ABCC12: variants seen among roughly 807,000 people sequenced by gnomAD.
The protein encoded by ABCC12 is ATP-binding cassette sub-family C member 12.
A neutral mutation model predicts 151.1 loss-of-function variants in ABCC12; 142 were observed. The ratio of observed to expected loss-of-function variants is 0.94; its 90% CI spans 0.82 to 1.08. ABCC12 has a LOEUF of 1.08. Ranked by LOEUF, ABCC12 falls within the 50% of genes least tolerant of loss-of-function variation. ABCC12 has a pLI of 0.00. For missense variants in ABCC12, 1,638 were observed against 1,691.1 expected (o/e 0.97, Z 0.55); for synonymous variants, 645 against 646.4 (o/e 1.00, Z 0.03).
At chr16:48,084,106 G>T (rs371177642) in intron 29 of ABCC12, 33 bp from the exon 30 acceptor site, 1 of 1,567,518 alleles carries the variant, frequency 6.4e-7, no homozygotes, top group Admixed American at 2.1e-5. Flanking sequence ...AGCCAAAGGC[G>T]CACTGAGAGG....
intron 12 of ABCC12, among the ~76,000 whole-genome samples, chr16:48,122,542 C>T (rs1964107348): frequency 6.6e-6 from 1 of 152,124 alleles, no homozygotes; most frequent in Non-Finnish European, 1.5e-5. Context: ...GGGGATGCAA[C>T]GTTCAAAGTT....
chr16:48,109,233 C>A (rs928248536), intron 18 of ABCC12, among the ~76,000 whole-genome samples: 1 of 152,168 alleles, frequency 6.6e-6, no homozygotes. Context: ...GTTCTCAGAG[C>A]TCATGCCATA....
intron 12 of ABCC12, among the ~76,000 whole-genome samples, chr16:48,123,983 T>C (rs933832098): frequency 1.3e-5 from 2 of 152,230 alleles, no homozygotes; most frequent in African/African-American, 2.4e-5. Context: ...GGCAATGCCA[T>C]TCAATAGACC....
Position 48,104,290 on chromosome 16 carries a change from C to T in ABCC12, c.2752G>A (p.Glu918Lys), listed in dbSNP as rs188194903. 1.1e-4 allele frequency: 182 copies of T among 1,614,252 alleles called. No individual in the cohort carries two copies. The East Asian group carries it at 2.8e-3, about 25-fold the overall frequency. ...LMNRFSKDMD[E>K]LDVRLPFHAE... is the part of the protein sequence containing the mutation. The stretch of plus-strand genomic sequence containing the variant: ...TGAAACGGCAGCCTCACATCCAGCT[C>T]GTCCATATCCTTGGAAAAACGGTTC... The change falls in exon 22 of 31, where the codon GAG (glutamate) becomes AAG (lysine). Residue 918 changes from glutamate (E) to lysine (K), a missense_variant. By Grantham distance (56) the Glu-to-Lys change is moderately conservative (BLOSUM62 1). Transcript: ENST00000311303.
chr16:48,151,411 C>A (rs759812075), intron 2 of ABCC12, among the ~76,000 whole-genome samples: 14 of 152,122 alleles, frequency 9.2e-5, no homozygotes, highest in Non-Finnish European at 1.8e-4. Context: ...GACCTGACAA[C>A]TACCTGTGAA....
At chr16:48,110,141 G>A (rs1963634276) in intron 18 of ABCC12, among the ~76,000 whole-genome samples, 1 of 152,180 alleles carries the variant, frequency 6.6e-6, no homozygotes, top group South Asian at 2.1e-4. Context: ...GAAGCCTCTG[G>A]AACTGTAAAA....
At chr16:48,110,990 T>C (rs531057229) in intron 18 of ABCC12, among the ~76,000 whole-genome samples, 13 of 152,324 alleles carry the variant, frequency 8.5e-5, no homozygotes, top group Non-Finnish European at 1.5e-4. Flanking sequence ...CACTGCTTCA[T>C]AATCCGTTCT....
At chr16:48,106,507 C>T (rs1458108899) in intron 20 of ABCC12, among the ~76,000 whole-genome samples, 1 of 152,222 alleles carries the variant, frequency 6.6e-6, no homozygotes, top group African/African-American at 2.4e-5. Flanking sequence ...ACCTCGGGCT[C>T]TCCAAGGACA....
chr16:48,147,776 T>TA (rs1461776141), intron 2 of ABCC12, among the ~76,000 whole-genome samples: 2 of 152,188 alleles, frequency 1.3e-5, no homozygotes, highest in Non-Finnish European at 2.9e-5. Context: ...TGGAATAATA[T>TA]ACGTACTTTT....
Position 48,085,619 on chromosome 16 carries a change from C to A in ABCC12, c.3802G>T (p.Ala1268Ser). The A allele has an allele frequency of 6.2e-7, 1 of 1,614,126 alleles. No individual in the cohort carries two copies. The highest frequency in any genetic ancestry group is 8.5e-7 in the Non-Finnish European group (1 of 1,180,000). Reference protein sequence around the residue: ...SVGERQLLCVARALLRNSKII... With the variant: ...SVGERQLLCVSRALLRNSKII... ...TTTGAATTACGGAGAAGAGCTCGGG[C>A]CACACAAAGCAGCTGACGTTCCCCT... The change falls in exon 29 of 31, where the codon GCC becomes TCC. Residue 1268 changes from alanine (A) to serine (S), a missense_variant. Coordinates refer to ENST00000311303, the MANE Select transcript of ABCC12 (RefSeq NM_001393797.1).
At chr16:48,155,510 G>C (rs931238194) in intron 1 of ABCC12, among the ~76,000 whole-genome samples, 4 of 151,960 alleles carry the variant, frequency 2.6e-5, no homozygotes, top group Non-Finnish European at 5.9e-5. Flanking sequence ...ATATGTGTTT[G>C]TGTTTGTGCA....
chr16:48,132,338 T>C (rs929406086), intron 9 of ABCC12, among the ~76,000 whole-genome samples: 1 of 151,738 alleles, frequency 6.6e-6, no homozygotes, highest in Non-Finnish European at 1.5e-5. Context: ...CCAGAGAAAA[T>C]AAAAGCAACT....
chr16:48,125,736 A>G (rs1197912074), intron 11 of ABCC12, among the ~76,000 whole-genome samples: 2 of 152,042 alleles, frequency 1.3e-5, no homozygotes, highest in Non-Finnish European at 2.9e-5. Flanking sequence ...CTTTTTTCCC[A>G]CCCCAAGCTA....
At chr16:48,119,096 C>A (rs1352398409) in intron 13 of ABCC12, among the ~76,000 whole-genome samples, 1 of 152,200 alleles carries the variant, frequency 6.6e-6, no homozygotes, top group Non-Finnish European at 1.5e-5. Flanking sequence ...TTCCTATGGC[C>A]CTGAGAGCCA....
At chr16:48,126,919 C>A (rs76892801) in intron 11 of ABCC12, among the ~76,000 whole-genome samples, 320 of 152,262 alleles carry the variant, frequency 2.1e-3, no homozygotes, top group African/African-American at 7.3e-3. Flanking sequence ...CAGAAAGCAG[C>A]GTCCTTAGAA....
chr16:48,121,449 A>C, intron 13 of ABCC12: 3 of 355,310 alleles, frequency 8.4e-6, no homozygotes, highest in East Asian at 6.6e-5. Context: ...GTTGCAGAGA[A>C]CCTCGGAACA....
chr16:48,109,439 C>G (rs755806442), intron 18 of ABCC12, among the ~76,000 whole-genome samples: 13 of 152,232 alleles, frequency 8.5e-5, no homozygotes, highest in Non-Finnish European at 1.8e-4. Flanking sequence ...CATGTCTCTT[C>G]CGCTCCTCCA....
intron 13 of ABCC12, among the ~76,000 whole-genome samples, chr16:48,119,232 C>T (rs905953896): frequency 2.0e-5 from 3 of 152,216 alleles, no homozygotes; most frequent in Non-Finnish European, 4.4e-5. Context: ...CTCGTGATCT[C>T]TGCTGCCTTG....
chr16:48,138,315 G>C lies in ABCC12; in HGVS notation c.892C>G (p.Arg298Gly). The change falls in exon 8 of 31, where the codon CGA becomes GGA. Residue 298 changes from arginine (R) to glycine (G), a missense_variant. Coordinates refer to ENST00000311303, the MANE Select transcript of ABCC12 (RefSeq NM_001393797.1). ...AGAAACTCATTCATTGTCTGAACTC[G>C]CTTGTCTGTCACCAAAATTGCTGAC... Reference protein sequence around the residue: ...RRSAILVTDKRVQTMNEFLTC... With the variant: ...RRSAILVTDKGVQTMNEFLTC... 6.2e-7 allele frequency: 1 copy of C among 1,613,892 alleles called. No homozygotes were observed. Among genetic ancestry groups the C allele is most frequent in the South Asian group, 1.1e-5 (1 of 91,048 alleles).
Sources: allele counts gnomAD v4.1 joint callset (sites outside exome capture counted in the v4.1 genomes callset), GRCh38; gene constraint gnomAD v4.1.1; transcripts MANE v1.5; gene names NCBI Gene and HGNC (gene_info 2026-07-23, HGNC 2026-07-21).